The following SEMA3A variants were observed in gnomAD, a reference collection of about 807,000 sequenced individuals.
SEMA3A encodes semaphorin-3A.
SEMA3A carries 29 observed loss-of-function variants against 97.9 expected under a neutral mutation model. The observed-to-expected ratio is 0.30, with a 90% CI of 0.22 to 0.40. SEMA3A has a LOEUF of 0.40. Ranked by LOEUF, SEMA3A falls within the 10% of genes least tolerant of loss-of-function variation. SEMA3A has a pLI of 1.00. For synonymous variants in SEMA3A, 321 were observed against 323.7 expected, an observed-to-expected ratio of 0.99 and a Z score of 0.09; for missense variants, 763 against 951.3, an observed-to-expected ratio of 0.80 and a Z score of 2.60.
chr7:84,011,440 A>G, intron 7 of SEMA3A, 143 bp from the exon 8 acceptor site: 1 of 632,668 alleles, frequency 1.6e-6, no homozygotes, highest in Non-Finnish European at 2.8e-6. Context: ...ATGACCAGAT[A>G]TAGGTAACTA....
intron 3 of SEMA3A, among the ~76,000 whole-genome samples, chr7:84,280,955 G>A (rs1326066065): frequency 1.3e-5 from 2 of 152,162 alleles, no homozygotes; most frequent in East Asian, 3.9e-4. Flanking sequence ...AATATGGAAT[G>A]TTCCCACTTA....
At chr7:84,190,626 C>A (rs1584105409) in intron 1 of SEMA3A, among the ~76,000 whole-genome samples, 1 of 150,310 alleles carries the variant, frequency 6.7e-6, no homozygotes, top group Admixed American at 6.7e-5. Context: ...CTAGCCCTAT[C>A]TTATACTATT....
chr7:84,321,483 T>C (rs913761926), intron 2 of SEMA3A, among the ~76,000 whole-genome samples: 9 of 152,080 alleles, frequency 5.9e-5, no homozygotes, highest in Non-Finnish European at 1.0e-4. Context: ...ACTGCCTGGG[T>C]TGATATAATT....
intron 5 of SEMA3A, 89 bp from the exon 6 acceptor site, chr7:84,046,532 G>T: frequency 6.8e-7 from 1 of 1,473,562 alleles, no homozygotes; most frequent in Non-Finnish European, 9.4e-7. Context: ...CAAGTTTCAT[G>T]TTATGACCAT....
chr7:84,049,626 A>T (rs1249513995), intron 5 of SEMA3A, among the ~76,000 whole-genome samples: 4 of 152,134 alleles, frequency 2.6e-5, no homozygotes, highest in African/African-American at 7.2e-5. Context: ...TATATTTTTT[A>T]AAAATGCCTG....
intron 3 of SEMA3A, among the ~76,000 whole-genome samples, chr7:84,216,766 AT>A (rs1798764380): frequency 6.6e-6 from 1 of 152,108 alleles, no homozygotes; most frequent in Admixed American, 6.5e-5. Flanking sequence ...CTCCAAGAAA[AT>A]TCTAAAATTA....
intron 3 of SEMA3A, among the ~76,000 whole-genome samples, chr7:84,242,848 G>A (rs1481538222): frequency 6.6e-6 from 1 of 152,072 alleles, no homozygotes. Flanking sequence ...GCCTGAAGGG[G>A]TGTTGAATTT....
chr7:84,190,906 G>A (rs1449228563), intron 1 of SEMA3A, among the ~76,000 whole-genome samples: 1 of 149,906 alleles, frequency 6.7e-6, no homozygotes, highest in Non-Finnish European at 1.5e-5. Flanking sequence ...TATTTCCTAT[G>A]TATTGAAATA....
At chr7:84,292,056 T>A (rs1401955836) in intron 3 of SEMA3A, among the ~76,000 whole-genome samples, 2 of 152,124 alleles carry the variant, frequency 1.3e-5, no homozygotes, top group Non-Finnish European at 2.9e-5. Flanking sequence ...TCTAAGCTAA[T>A]CCATTTTCAA....
chr7:84,236,439 G>A (rs1013762762), intron 3 of SEMA3A, among the ~76,000 whole-genome samples: 3 of 151,910 alleles, frequency 2.0e-5, no homozygotes, highest in Non-Finnish European at 2.9e-5. Context: ...GTATTAATTC[G>A]CTAAAATTCT....
chr7:84,415,829 C>T (rs1383265929), intron 1 of SEMA3A, among the ~76,000 whole-genome samples: 6 of 140,190 alleles, frequency 4.3e-5, no homozygotes, highest in African/African-American at 1.1e-4. Flanking sequence ...GCAGTGACAG[C>T]GTTTTTGTAT....
chr7:84,469,218 T>C (rs527444361), intron 1 of SEMA3A, among the ~76,000 whole-genome samples: 53 of 152,326 alleles, frequency 3.5e-4, no homozygotes, highest in African/African-American at 1.1e-3. Flanking sequence ...TATTACTTCC[T>C]GTCTTTGGGA....
At chr7:84,017,218 G>C (rs1791139266) in intron 6 of SEMA3A, among the ~76,000 whole-genome samples, 1 of 152,144 alleles carries the variant, frequency 6.6e-6, no homozygotes, top group Non-Finnish European at 1.5e-5. Context: ...AGGTGTCATT[G>C]AGCACTGCAC....
At chr7:84,032,045 A>G (rs563260556) in intron 6 of SEMA3A, among the ~76,000 whole-genome samples, 1 of 152,340 alleles carries the variant, frequency 6.6e-6, no homozygotes, top group South Asian at 2.1e-4. Flanking sequence ...AGTCTCACAA[A>G]ACATTTACAC....
chr7:84,409,923 A>G (rs1201681781), intron 1 of SEMA3A, among the ~76,000 whole-genome samples: 1 of 152,148 alleles, frequency 6.6e-6, no homozygotes, highest in Non-Finnish European at 1.5e-5. Context: ...GTACAGAAAT[A>G]TGAATTTTAC....
chr7:84,307,047 C>T (rs977599522), intron 3 of SEMA3A, among the ~76,000 whole-genome samples: 3 of 151,986 alleles, frequency 2.0e-5, no homozygotes, highest in African/African-American at 4.8e-5. Flanking sequence ...CTCTCATCTA[C>T]CCAAATAATT....
intron 6 of SEMA3A, among the ~76,000 whole-genome samples, chr7:84,026,080 C>A (rs1179270243): frequency 6.6e-6 from 1 of 152,166 alleles, no homozygotes; most frequent in African/African-American, 2.4e-5. Context: ...ATGGTCATAA[C>A]CAAAAGCAAC....
chr7:84,087,680 C>T (rs1029080364), intron 4 of SEMA3A, among the ~76,000 whole-genome samples: 2 of 152,090 alleles, frequency 1.3e-5, no homozygotes, highest in Admixed American at 1.3e-4. Context: ...GAAGTTATGC[C>T]AAAATGTGTT....
At chr7:84,216,151 C>A (rs751258373) in intron 3 of SEMA3A, among the ~76,000 whole-genome samples, 8 of 152,110 alleles carry the variant, frequency 5.3e-5, no homozygotes, top group Non-Finnish European at 1.2e-4. Context: ...TCACTGCCAC[C>A]ATCTCGGCTC....
Sources: allele counts gnomAD v4.1 joint callset (sites outside exome capture counted in the v4.1 genomes callset), GRCh38; gene constraint gnomAD v4.1.1; transcripts MANE v1.5; gene names NCBI Gene and HGNC (gene_info 2026-07-23, HGNC 2026-07-21).